Variants in ACTN1 observed in about 807,000 individuals in gnomAD.
ACTN1 encodes the protein actinin alpha 1.
In ACTN1, 30 loss-of-function variants were observed where a neutral mutation model predicts 119.6. That is an observed-to-expected ratio of 0.25 (90% confidence interval 0.19 to 0.34). ACTN1 has a LOEUF of 0.34. ACTN1 is among the 10% of genes least tolerant of loss of function. The pLI is 1.00. For synonymous variants in ACTN1, 429 were observed against 472.6 expected (o/e 0.91, Z 1.20); for missense variants, 764 against 1,223.4 (o/e 0.62, Z 5.60).
At chr14:68,889,295 T>C (rs1183495450) in intron 11 of ACTN1, among the ~76,000 whole-genome samples, 1 of 152,142 alleles carries the variant, frequency 6.6e-6, no homozygotes, top group African/African-American at 2.4e-5. Flanking sequence ...TGGTTCACTG[T>C]AATTGGAGGC....
intron 1 of ACTN1, among the ~76,000 whole-genome samples, chr14:68,950,462 G>GTGTGTATATATGTGTGTGTATATATATA: frequency 7.9e-6 from 1 of 125,912 alleles, no homozygotes; most frequent in African/African-American, 4.1e-5. Context: ...ATGCGTGTGT[G>GTGTGTATATATGTGTGTGTATATATATA]TATATATATA....
intron 14 of ACTN1, among the ~76,000 whole-genome samples, chr14:68,883,872 A>G (rs533505437): frequency 6.6e-6 from 1 of 152,258 alleles, no homozygotes; most frequent in African/African-American, 2.4e-5. Context: ...AAGCATGGAA[A>G]CAAACATTTG....
rs1466997532 is a variant in ACTN1 at position 68,884,758 on chromosome 14, C to T, written c.1494+17G>A. On this transcript the variant is annotated intron_variant, in intron 13 of 21. Transcript: ENST00000394419. ...GCTGCCGGATATGGGCCTAGATCTC[C>T]CTCTGGGACCTCTCACCTCCAGAGC... 6.3e-7 allele frequency: 1 copy of T among 1,591,486 alleles called. No individual in the cohort carries two copies. Among genetic ancestry groups the T allele is most frequent in the South Asian group, 1.1e-5 (1 of 90,602 alleles).
chr14:68,936,540 G>T, intron 1 of ACTN1: 2 of 426,910 alleles, frequency 4.7e-6, no homozygotes, highest in Non-Finnish European at 8.9e-6. Context: ...AGAACAGTCT[G>T]TCTAGGGGGT....
At chr14:68,952,530 G>T (rs2036202469) in intron 1 of ACTN1, among the ~76,000 whole-genome samples, 1 of 152,210 alleles carries the variant, frequency 6.6e-6, no homozygotes, top group South Asian at 2.1e-4. Flanking sequence ...GTCAAAGAAT[G>T]AGAAGGAAGG....
intron 7 of ACTN1, 57 bp from the exon 8 acceptor site, chr14:68,902,619 C>T (rs570917128): frequency 2.5e-5 from 36 of 1,444,880 alleles, no homozygotes; most frequent in African/African-American, 5.6e-5. Flanking sequence ...CATACACCCC[C>T]GACGTGAGGC....
In ACTN1 at chr14:68,874,875, C is replaced by T. The variant is rs1345949164; in HGVS notation, c.2729G>A (p.Gly910Asp). The change falls in exon 22 of 22, where the codon GGC becomes GAC. Residue 910 changes from glycine (G) to aspartate (D), a missense_variant. Around this residue, in one of 4 missense-constraint regions of ACTN1, gnomAD observed 102 missense variants for 78.2 expected, o/e 1.30. Transcript: ENST00000394419. ...CGGGGTGGATTAGAGGTCACTCTCG[C>T]CGTACAGCGCCGTGGAGAAGGACAT... ...DYMSFSTALY[G>D]ESDL 12 of 1,588,096 alleles carry T rather than the reference C, an allele frequency of 7.6e-6. No individual in the cohort carries two copies. The highest frequency in any genetic ancestry group is 1.0e-5 in the Non-Finnish European group (12 of 1,160,570).
At position 68,877,190 on chromosome 14, in the gene ACTN1, C is replaced by A. The variant is rs2030999282; in HGVS notation, c.2478G>T (p.Leu826=). 1 of 1,614,074 alleles carries A rather than the reference C, an allele frequency of 6.2e-7. No homozygotes were observed. The highest frequency in any genetic ancestry group is 1.3e-5 in the African/African-American group (1 of 74,940). The part of the protein sequence containing the change: ...RIMSIVDPNR[L]GVVTFQAFID... ...TGAAGGCCTGGAATGTCACTACCCC[C>A]AGGCGGTTGGGGTCCACAATGCTCA... is the stretch of plus-strand genomic sequence containing the variant. The change falls in exon 21 of 22, where the codon CTG becomes CTT. Residue 826 remains leucine, a synonymous_variant. Coordinates refer to ENST00000394419, the MANE Select transcript of ACTN1 (RefSeq NM_001130004.2).
Position 68,979,075 on chromosome 14 carries a change from G to C in ACTN1, c.-19C>G, listed in dbSNP as rs1350007607. 15 of 1,537,390 alleles carry C rather than the reference G, an allele frequency of 9.8e-6. No homozygotes were observed. The highest frequency in any genetic ancestry group is 1.4e-5 in the African/African-American group (1 of 71,454). On this transcript the variant is annotated 5_prime_UTR_variant, in exon 1 of 22. Transcript: ENST00000394419. ...GGTCCATGATGGTGCGCGCGTGCTA[G>C]GGTCTGGATTTCTTCCTCCACCTTC...
At chr14:68,922,237 G>C (rs1397137580) in intron 2 of ACTN1, among the ~76,000 whole-genome samples, 1 of 152,150 alleles carries the variant, frequency 6.6e-6, no homozygotes, top group Admixed American at 6.5e-5. Flanking sequence ...GACCAGCCAC[G>C]GGGATTCTGG....
chr14:68,942,477 A>G (rs182150655), intron 1 of ACTN1, among the ~76,000 whole-genome samples: 21 of 152,286 alleles, frequency 1.4e-4, no homozygotes, highest in Non-Finnish European at 2.9e-4. Flanking sequence ...GAGCATCACC[A>G]TGATTCTCAA....
At position 68,906,138 on chromosome 14, in the gene ACTN1, G is replaced by A. The variant is rs1443787442; in HGVS notation, c.595-1402C>T. Reference sequence around the variant, plus strand: ...AGACTTTCAGTTTTGCAAGAAAAGAGTTCTGAAGATGGATGGTAGGAACAG... The same window carrying A: ...AGACTTTCAGTTTTGCAAGAAAAGAATTCTGAAGATGGATGGTAGGAACAG... On this transcript the variant is annotated intron_variant, in intron 6 of 21. Transcript: ENST00000394419. 5.3e-5 allele frequency among the ~76,000 whole-genome samples: 8 copies of A among 152,184 alleles called. No individual in the cohort carries two copies. In the East Asian group the frequency reaches 1.5e-3, roughly 29 times the overall value.
intron 9 of ACTN1, among the ~76,000 whole-genome samples, chr14:68,893,125 C>T (rs1192481942): frequency 6.6e-6 from 1 of 151,960 alleles, no homozygotes; most frequent in African/African-American, 2.4e-5. Flanking sequence ...GCTCAACGGG[C>T]TGAATTCTTT....
At position 68,882,451 on chromosome 14, in the gene ACTN1, G is replaced by C; in HGVS notation, c.1953+7C>G. The stretch of plus-strand genomic sequence containing the variant: ...GCCCCAGCACTGCTTCCCAGCATGG[G>C]ACCCACCTCCATCTTGGTCTGGATC... On this transcript the variant is annotated splice_region_variant and intron_variant, in intron 16 of 21. Transcript: ENST00000394419. This position sits in a 1 kb window ranked among gnomAD's most constrained non-coding sequence, Gnocchi z 4.5. The C allele has an allele frequency of 6.2e-7, 1 of 1,613,870 alleles. No homozygotes were observed. The highest frequency in any genetic ancestry group is 8.5e-7 in the Non-Finnish European group (1 of 1,179,880).
intron 1 of ACTN1, among the ~76,000 whole-genome samples, chr14:68,932,597 C>T (rs1218181388): frequency 7.0e-6 from 1 of 142,346 alleles, no homozygotes; most frequent in Non-Finnish European, 1.5e-5. Context: ...AAACTTTGGG[C>T]CTCAAGTGAT....
intron 8 of ACTN1, among the ~76,000 whole-genome samples, chr14:68,899,965 C>T (rs2033202551): frequency 1.3e-5 from 2 of 151,976 alleles, no homozygotes; most frequent in African/African-American, 4.8e-5. Flanking sequence ...GGAACAGCAG[C>T]AGGAGATGTG....
At chr14:68,919,886 G>A (rs556971863) in intron 3 of ACTN1, among the ~76,000 whole-genome samples, 7 of 152,298 alleles carry the variant, frequency 4.6e-5, no homozygotes, top group African/African-American at 1.7e-4. Context: ...AAATCAGCCG[G>A]ACTCGACCCC....
chr14:68,911,633 G>T (rs2034012357), intron 4 of ACTN1, among the ~76,000 whole-genome samples: 1 of 152,144 alleles, frequency 6.6e-6, no homozygotes, highest in Admixed American at 6.5e-5. Context: ...TTTATCACAG[G>T]CACAACAATA....
intron 1 of ACTN1, among the ~76,000 whole-genome samples, chr14:68,956,365 T>G (rs2036351711): frequency 1.3e-5 from 2 of 152,218 alleles, no homozygotes; most frequent in African/African-American, 4.8e-5. Context: ...TTCATTTAGC[T>G]AAACTCTTTC....
Sources: allele counts gnomAD v4.1 joint callset (sites outside exome capture counted in the v4.1 genomes callset), GRCh38; gene constraint gnomAD v4.1.1; regional missense constraint gnomAD v4.1.1; non-coding constraint Gnocchi (gnomAD v3.1); transcripts MANE v1.5; gene names NCBI Gene and HGNC (gene_info 2026-07-23, HGNC 2026-07-21).